The following PHACTR1 variants were observed in gnomAD, a reference collection of about 807,000 sequenced individuals.
PHACTR1 encodes phosphatase and actin regulator 1.
A neutral mutation model predicts 69.2 loss-of-function variants in PHACTR1; 16 were observed. The observed-to-expected ratio is 0.23, with a 90% CI of 0.16 to 0.35. The LOEUF (loss-of-function observed/expected upper bound fraction) is 0.35. Among genes scored for constraint, PHACTR1 ranks in the 10% least tolerant of loss-of-function variants. The pLI, the probability that PHACTR1 is intolerant of heterozygous loss-of-function variation, is 1.00. For missense variants in PHACTR1, 510 were observed against 734.7 expected, an observed-to-expected ratio of 0.69 and a Z score of 3.54; for synonymous variants, 312 against 284.5, an observed-to-expected ratio of 1.10 and a Z score of -0.97.
At chr6:12,983,783 G>A (rs1008064551) in intron 4 of PHACTR1, among the ~76,000 whole-genome samples, 8 of 152,110 alleles carry the variant, frequency 5.3e-5, no homozygotes, top group Non-Finnish European at 7.3e-5. Context: ...ACCTATGAGT[G>A]AGAACATACA....
intron 4 of PHACTR1, among the ~76,000 whole-genome samples, chr6:12,978,784 C>T (rs1241686568): frequency 6.6e-6 from 1 of 152,182 alleles, no homozygotes; most frequent in African/African-American, 2.4e-5. Flanking sequence ...AGTATCAAGT[C>T]TCAAGGGAAA....
intron 4 of PHACTR1, among the ~76,000 whole-genome samples, chr6:12,824,019 C>T (rs1292338841): frequency 6.6e-6 from 1 of 152,148 alleles, no homozygotes; most frequent in Non-Finnish European, 1.5e-5. Flanking sequence ...AAGTGAGCTG[C>T]ATAGCAGGAG....
chr6:13,008,069 T>C (rs539647895), intron 4 of PHACTR1, among the ~76,000 whole-genome samples: 10 of 152,344 alleles, frequency 6.6e-5, no homozygotes, highest in African/African-American at 2.4e-4. Context: ...TTCAACTAGA[T>C]TGTTTTATGC....
intron 4 of PHACTR1, among the ~76,000 whole-genome samples, chr6:12,862,991 T>C (rs928296867): frequency 6.6e-6 from 1 of 152,226 alleles, no homozygotes; most frequent in Admixed American, 6.5e-5. Context: ...GAGCAAGTCA[T>C]TGAAACTCTC....
chr6:12,800,537 A>T (rs1340010416), intron 4 of PHACTR1, among the ~76,000 whole-genome samples: 1 of 152,122 alleles, frequency 6.6e-6, no homozygotes, highest in Non-Finnish European at 1.5e-5. Flanking sequence ...TTCATTAGGG[A>T]AGTCATAATG....
At chr6:13,163,447 C>T (rs1759343063) in intron 6 of PHACTR1, among the ~76,000 whole-genome samples, 1 of 152,148 alleles carries the variant, frequency 6.6e-6, no homozygotes, top group Non-Finnish European at 1.5e-5. Context: ...GAGCAGGGGC[C>T]TCAGAGGCTG....
chr6:13,049,230 C>T (rs1324580376), intron 4 of PHACTR1, among the ~76,000 whole-genome samples: 4 of 149,960 alleles, frequency 2.7e-5, no homozygotes, highest in South Asian at 2.1e-4. Context: ...TATGGAAAAG[C>T]GTTTCGGTTC....
chr6:12,827,520 C>A (rs1776934004), intron 4 of PHACTR1, among the ~76,000 whole-genome samples: 1 of 152,178 alleles, frequency 6.6e-6, no homozygotes. Context: ...TATGGAGAAT[C>A]TACCTCTGGA....
At chr6:12,724,502 T>C (rs964070044) in intron 3 of PHACTR1, among the ~76,000 whole-genome samples, 4 of 152,214 alleles carry the variant, frequency 2.6e-5, no homozygotes, top group East Asian at 3.8e-4. Flanking sequence ...TTGAAAGGGC[T>C]GTACATTTAG....
At chr6:12,954,539 G>A (rs1791654746) in intron 4 of PHACTR1, among the ~76,000 whole-genome samples, 1 of 151,950 alleles carries the variant, frequency 6.6e-6, no homozygotes, top group Non-Finnish European at 1.5e-5. Context: ...AGGAGGGCTA[G>A]GGGAAATGGG....
At chr6:12,781,311 C>T (rs1010056294) in intron 4 of PHACTR1, among the ~76,000 whole-genome samples, 2 of 152,142 alleles carry the variant, frequency 1.3e-5, no homozygotes, top group Non-Finnish European at 2.9e-5. Context: ...ATCCAGACAA[C>T]TTGTGCACCT....
chr6:12,908,422 T>C (rs1211011589), intron 4 of PHACTR1, among the ~76,000 whole-genome samples: 2 of 152,000 alleles, frequency 1.3e-5, no homozygotes, highest in African/African-American at 4.8e-5. Flanking sequence ...TTGGTGGCTG[T>C]CCCTAACGCA....
At chr6:12,880,752 G>GA (rs564716001) in intron 4 of PHACTR1, among the ~76,000 whole-genome samples, 4 of 151,532 alleles carry the variant, frequency 2.6e-5, no homozygotes, top group East Asian at 1.9e-4. Flanking sequence ...CAAAGGAAAA[G>GA]AAAAAAAAGA....
intron 4 of PHACTR1, among the ~76,000 whole-genome samples, chr6:12,981,975 C>T (rs1395566291): frequency 6.6e-6 from 1 of 152,196 alleles, no homozygotes; most frequent in Non-Finnish European, 1.5e-5. Flanking sequence ...TCTCTGCCAC[C>T]AGTTTGATTT....
chr6:13,277,000 T>C (rs1047223433), intron 11 of PHACTR1, among the ~76,000 whole-genome samples: 1 of 152,146 alleles, frequency 6.6e-6, no homozygotes. Flanking sequence ...CTAACGCCAT[T>C]TGAAATTTAA....
chr6:13,013,197 C>G (rs1187105205), intron 4 of PHACTR1, among the ~76,000 whole-genome samples: 1 of 152,214 alleles, frequency 6.6e-6, no homozygotes, highest in African/African-American at 2.4e-5. Flanking sequence ...CCCAAAGTCG[C>G]AAATTGTTTC....
At chr6:13,077,711 G>A (rs1380729350) in intron 5 of PHACTR1, among the ~76,000 whole-genome samples, 1 of 152,266 alleles carries the variant, frequency 6.6e-6, no homozygotes, top group Admixed American at 6.5e-5. Flanking sequence ...AACAGGGGGA[G>A]CCTGGCCAGG....
chr6:12,993,702 C>T (rs1797079130), intron 4 of PHACTR1, among the ~76,000 whole-genome samples: 1 of 152,180 alleles, frequency 6.6e-6, no homozygotes. Context: ...TCTGTAGAGG[C>T]AGGAAATTCC....
intron 6 of PHACTR1, 99 bp from the exon 7 acceptor site, chr6:13,182,420 G>T: frequency 7.6e-7 from 1 of 1,318,088 alleles, no homozygotes; most frequent in Non-Finnish European, 1.1e-6. Context: ...GGCTGACCTT[G>T]ATTGTTCAGC....
Sources: gnomAD v4.1 joint callset for allele counts (sites outside exome capture counted in the v4.1 genomes callset) on GRCh38, gnomAD v4.1.1 for gene constraint, MANE v1.5 for transcripts, NCBI Gene and HGNC (gene_info 2026-07-23, HGNC 2026-07-21) for gene names.